The following ZNF407 variants were observed in gnomAD, a reference collection of about 807,000 sequenced individuals.
ZNF407 encodes the protein zinc finger protein 407.
A neutral mutation model predicts 131.2 loss-of-function variants in ZNF407; 17 were observed. The ratio of observed to expected loss-of-function variants is 0.13; its 90% CI spans 0.09 to 0.19. The LOEUF is 0.19. Among genes scored for constraint, ZNF407 ranks in the 10% least tolerant of loss-of-function variants. ZNF407 has a pLI of 1.00. For synonymous variants in ZNF407, 1,156 were observed against 1,062.0 expected, an observed-to-expected ratio of 1.09 and a Z score of -1.72; for missense variants, 2,681 against 2,830.6, an observed-to-expected ratio of 0.95 and a Z score of 1.20.
intron 3 of ZNF407, among the ~76,000 whole-genome samples, chr18:74,665,766 G>A (rs1025861591): frequency 6.6e-6 from 1 of 152,068 alleles, no homozygotes; most frequent in Non-Finnish European, 1.5e-5. Context: ...CGCCTTGGAA[G>A]CCCCCACATG....
chr18:74,707,203 G>A lies in ZNF407; in HGVS notation c.4802+66081G>A, dbSNP rs76488781. ...GGACTTCAAGTGATCCGCCCACGTC[G>A]GCATCTGAAAGTGCTGGGATTACAG... On this transcript the variant is annotated intron_variant, in intron 3 of 8. Transcript: ENST00000299687. 1.7e-4 allele frequency among the ~76,000 whole-genome samples: 26 copies of A among 152,206 alleles called. No individual in the cohort carries two copies. In the East Asian group the frequency reaches 2.7e-3, roughly 16 times the overall value.
At chr18:75,029,582 CGTGTGTGTGCGTATGTGTGCATGG>C (rs1973214596) in intron 8 of ZNF407, among the ~76,000 whole-genome samples, 1 of 142,992 alleles carries the variant, frequency 7.0e-6, no homozygotes, top group South Asian at 2.1e-4. Context: ...TGTGTGCGTG[CGTGTGTGTGCGTATGTGTGCATGG>C]GTGTGTGTGC....
chr18:74,943,249 A>G (rs936866131), intron 8 of ZNF407, among the ~76,000 whole-genome samples: 2 of 152,204 alleles, frequency 1.3e-5, no homozygotes, highest in African/African-American at 2.4e-5. Flanking sequence ...CAGCCCAGAG[A>G]GATATAACTA....
intron 4 of ZNF407, chr18:74,804,206 TCA>T: frequency 7.5e-7 from 1 of 1,334,712 alleles, no homozygotes. Context: ...ATGTAAATCA[TCA>T]CACAAATGTA....
chr18:74,924,145 A>G (rs1352878994), intron 8 of ZNF407, among the ~76,000 whole-genome samples: 2 of 152,204 alleles, frequency 1.3e-5, no homozygotes, highest in African/African-American at 4.8e-5. Context: ...AAAAACAGAT[A>G]AAACAACTCT....
rs531072583 is a variant in ZNF407, at chr18:74,804,244, G to C, written c.4877+22742G>C. 80 of 1,221,440 alleles carry C rather than the reference G, an allele frequency of 6.5e-5. No individual in the cohort carries two copies. The South Asian group carries it at 1.2e-3, about 18-fold the overall frequency. The allele number at this position is 1,221,440 out of a possible 1,614,324, so 75.7% of individuals were successfully genotyped here. On this transcript the variant is annotated intron_variant, in intron 4 of 8. Transcript: ENST00000299687. ...GGCTAGTCTAGTGATTTTCTGGAAGGAACTGTTATTTTAAAAATTGAGTAC... is the reference window on the plus strand; with the variant it reads ...GGCTAGTCTAGTGATTTTCTGGAAGCAACTGTTATTTTAAAAATTGAGTAC...
chr18:74,746,468 A>G (rs976144649), intron 3 of ZNF407, among the ~76,000 whole-genome samples: 9 of 152,156 alleles, frequency 5.9e-5, no homozygotes, highest in Non-Finnish European at 1.2e-4. Context: ...TTTTGCTTAA[A>G]ACACAAATAT....
At chr18:74,976,705 T>G (rs1309892644) in intron 8 of ZNF407, among the ~76,000 whole-genome samples, 1 of 152,248 alleles carries the variant, frequency 6.6e-6, no homozygotes, top group African/African-American at 2.4e-5. Context: ...GCTTTCAGCG[T>G]AATCTCTCAC....
chr18:74,653,911 A>C (rs1985337715), intron 3 of ZNF407, among the ~76,000 whole-genome samples: 1 of 151,848 alleles, frequency 6.6e-6, no homozygotes, highest in Admixed American at 6.6e-5. Flanking sequence ...TGAACATGCT[A>C]ATATATTATT....
chr18:75,019,576 T>C (rs1167693114), intron 8 of ZNF407, among the ~76,000 whole-genome samples: 5 of 152,130 alleles, frequency 3.3e-5, no homozygotes, highest in African/African-American at 1.2e-4. Flanking sequence ...CCACTCAGGG[T>C]GCGAATCATC....
chr18:74,714,824 G>C (rs1011288458), intron 3 of ZNF407, among the ~76,000 whole-genome samples: 2 of 152,018 alleles, frequency 1.3e-5, no homozygotes, highest in Admixed American at 6.6e-5. Context: ...AGATTTCTTG[G>C]GGGGTAGAAC....
At chr18:74,980,591 G>GCCA (rs1972580309) in intron 8 of ZNF407, among the ~76,000 whole-genome samples, 1 of 152,126 alleles carries the variant, frequency 6.6e-6, no homozygotes, top group Non-Finnish European at 1.5e-5. Context: ...ACAGGCGTGA[G>GCCA]CCACCCCACC....
At chr18:74,860,509 T>TATTATTATTATG (rs1015157004) in intron 4 of ZNF407, among the ~76,000 whole-genome samples, 6 of 150,226 alleles carry the variant, frequency 4.0e-5, no homozygotes, top group Admixed American at 2.7e-4. Context: ...TTATTATTAT[T>TATTATTATTATG]ATTATGTCTT....
At chr18:74,851,729 A>C (rs1267310856) in intron 4 of ZNF407, among the ~76,000 whole-genome samples, 1 of 152,196 alleles carries the variant, frequency 6.6e-6, no homozygotes, top group African/African-American at 2.4e-5. Context: ...TCTCATCATA[A>C]ACATTCTGAG....
intron 8 of ZNF407, among the ~76,000 whole-genome samples, chr18:74,921,280 G>A (rs944321212): frequency 6.6e-6 from 1 of 152,194 alleles, no homozygotes; most frequent in African/African-American, 2.4e-5. Flanking sequence ...GCTCTGGAAG[G>A]TGTCAGCGAT....
rs183936567 is a variant in ZNF407, at chr18:74,864,043, A to C, written c.4878-13154A>C. Among the ~76,000 whole-genome samples, 220 of 152,326 alleles carry C rather than the reference A, an allele frequency of 1.4e-3. 1 individual carries two copies. Among genetic ancestry groups the C allele is most frequent in the African/African-American group, 5.0e-3 (208 of 41,564 alleles). ...GGTCTCTTTATTCCTGAGGATAATT[A>C]AATAGCATTTGGAGTGCATGTAGAC... is the stretch of plus-strand genomic sequence containing the variant. On this transcript the variant is annotated intron_variant, in intron 4 of 8. Coordinates refer to ENST00000299687, the MANE Select transcript of ZNF407 (RefSeq NM_017757.3).
Position 74,789,443 on chromosome 18 carries a change from C to T in ZNF407, c.4877+7941C>T, listed in dbSNP as rs973058688. On this transcript the variant is annotated intron_variant, in intron 4 of 8. Transcript: ENST00000299687. ...GTTTCAGGAAATGGTCACCAGTGAGCGTATTTCATTGGCGGAAGGGCATGT... is the reference window on the plus strand; with the variant it reads ...GTTTCAGGAAATGGTCACCAGTGAGTGTATTTCATTGGCGGAAGGGCATGT... 4.6e-5 allele frequency among the ~76,000 whole-genome samples: 7 copies of T among 151,978 alleles called. 1 individual carries two copies. The highest frequency in any genetic ancestry group is 1.3e-4 in the Admixed American group (2 of 15,254).
intron 4 of ZNF407, among the ~76,000 whole-genome samples, chr18:74,828,120 C>T (rs766661572): frequency 6.6e-6 from 1 of 152,142 alleles, no homozygotes; most frequent in East Asian, 1.9e-4. Flanking sequence ...GCTTCCTTCG[C>T]GGCCTGTTCA....
At chr18:74,741,284 G>C (rs539789624) in intron 3 of ZNF407, among the ~76,000 whole-genome samples, 15 of 151,958 alleles carry the variant, frequency 9.9e-5, no homozygotes, top group Admixed American at 9.8e-4. Flanking sequence ...TTATGTTCAC[G>C]CTCGTGTGTG....
Sources: gnomAD v4.1 joint callset for allele counts (sites outside exome capture counted in the v4.1 genomes callset) on GRCh38, gnomAD v4.1.1 for gene constraint, MANE v1.5 for transcripts, NCBI Gene and HGNC (gene_info 2026-07-23, HGNC 2026-07-21) for gene names.